The following CNTN2 variants were observed in gnomAD, a reference collection of about 807,000 sequenced individuals.
CNTN2 encodes contactin 2, also known as contactin-2.
In CNTN2, 53 loss-of-function variants were observed where a neutral mutation model predicts 117.5. The ratio of observed to expected loss-of-function variants is 0.45; its 90% confidence interval spans 0.36 to 0.57. The LOEUF (loss-of-function observed/expected upper bound fraction) is 0.57. Among genes scored for constraint, CNTN2 ranks in the 20% least tolerant of loss-of-function variants. The probability of loss-of-function intolerance (pLI) is 0.00; values close to 1 mark genes in which losing one functional copy is unlikely to be tolerated. For synonymous variants in CNTN2, 530 were observed against 561.7 expected, an observed-to-expected ratio of 0.94 and a Z score of 0.80; for missense variants, 1,106 against 1,404.3, an observed-to-expected ratio of 0.79 and a Z score of 3.39.
chr1:205,056,174 T>C (rs558786559), intron 2 of CNTN2, among the ~76,000 whole-genome samples: 163 of 152,240 alleles, frequency 1.1e-3, no homozygotes, highest in African/African-American at 3.8e-3. Context: ...AGTCTGAATG[T>C]ATCAACATGC....
At chr1:205,070,194 T>A (rs944898987) in intron 18 of CNTN2, 133 bp downstream of exon 18, 9 of 868,386 alleles carry the variant, frequency 1.0e-5, no homozygotes, top group African/African-American at 6.7e-5. Context: ...GGGTTCCACA[T>A]CATTGGCCTC....
rs768539409 is a variant in CNTN2 at position 205,058,497 on chromosome 1, G to A, written c.392-71G>A. ...TGCCTTAGTGAACTGCTGCTTCTCC[G>A]TGAAGGATGAGTCGGGGAGGGGCTC... On this transcript the variant is annotated intron_variant, in intron 4 of 22. Transcript: ENST00000331830. This position sits in a 1 kb window ranked among gnomAD's most constrained non-coding sequence, Gnocchi z 4.3. The A allele has an allele frequency of 2.2e-5, 35 of 1,573,808 alleles. No individual in the cohort carries two copies. Among genetic ancestry groups the A allele is most frequent in the South Asian group, 1.2e-4 (11 of 89,554 alleles).
At chr1:205,055,465 C>A (rs1014874248) in intron 2 of CNTN2, among the ~76,000 whole-genome samples, 1 of 152,116 alleles carries the variant, frequency 6.6e-6, no homozygotes, top group Non-Finnish European at 1.5e-5. Flanking sequence ...GGTGGTACTA[C>A]GCTGGGGATA....
rs1654900312 is a variant in CNTN2, at chr1:205,077,105, G to A, written c.*3340G>A. On this transcript the variant is annotated 3_prime_UTR_variant, in exon 23 of 23. Transcript: ENST00000331830. ...ACTGGAGGGGCAGGAGATGGTCCAA[G>A]TGTCCATCCAGAGATGAGACTCTTA... 1 of 152,244 alleles carries A rather than the reference G, an allele frequency of 6.6e-6. No homozygotes were observed. Among genetic ancestry groups the A allele is most frequent in the South Asian group, 2.1e-4 (1 of 4,834 alleles). 9.4% of individuals were successfully genotyped at this position (152,244 alleles called of 1,614,324 possible). A position where few individuals can be genotyped will look rare whatever the true frequency, so the allele number is the denominator to read the frequency against.
chr1:205,058,779 T>C lies in CNTN2; in HGVS notation c.487+116T>C. ...TGGAAATGACCCTTAGAAGCACCCA[T>C]CCCTGGGACCCTAACTTTAAATGAT... On this transcript the variant is annotated intron_variant, in intron 5 of 22. Coordinates refer to ENST00000331830, the MANE Select transcript of CNTN2 (RefSeq NM_005076.5). The surrounding 1 kb of genome is among the most constrained non-coding windows in gnomAD (Gnocchi z 4.3). The C allele has an allele frequency of 1.3e-6, 1 of 760,448 alleles. No homozygotes were observed. The highest frequency in any genetic ancestry group is 1.8e-5 in the South Asian group (1 of 54,600). The allele number at this position is 760,448 out of a possible 1,614,324, so 47.1% of individuals were successfully genotyped here.
chr1:205,064,001 C>T (rs1403088416), intron 10 of CNTN2, among the ~76,000 whole-genome samples: 4 of 151,814 alleles, frequency 2.6e-5, no homozygotes, highest in Non-Finnish European at 4.4e-5. Flanking sequence ...TGTGAAGAGC[C>T]GGGCTTCACT....
rs187078647 is a variant in CNTN2 at position 205,046,121 on chromosome 1, C to T, written c.-87+2727C>T. On this transcript the variant is annotated intron_variant, in intron 1 of 22. Coordinates refer to ENST00000331830, the MANE Select transcript of CNTN2 (RefSeq NM_005076.5). The stretch of plus-strand genomic sequence containing the variant: ...CATTTATGGGAGTTTCTGTGGGCTC[C>T]GTATCCTGACGGTAACCATCCTAGA... Among the ~76,000 whole-genome samples the T allele has an allele frequency of 1.2e-4, 19 of 152,204 alleles. No individual in the cohort carries two copies. In the East Asian group the frequency reaches 1.9e-3, roughly 15 times the overall value.
chr1:205,051,515 C>T (rs903952654), intron 1 of CNTN2, among the ~76,000 whole-genome samples: 3 of 152,076 alleles, frequency 2.0e-5, no homozygotes, highest in Admixed American at 2.0e-4. Flanking sequence ...CAGGGAGGGG[C>T]AGGTATTTTG....
In CNTN2 at chr1:205,058,380, C is replaced by A; in HGVS notation, c.391+24C>A. ...CTGTGAGACCCGCGGGGGACCAAGACACTTTGGGGGAGGGGGAGAGGGGGC... is the reference window on the plus strand; with the variant it reads ...CTGTGAGACCCGCGGGGGACCAAGAAACTTTGGGGGAGGGGGAGAGGGGGC... On this transcript the variant is annotated intron_variant, in intron 4 of 22. Coordinates refer to ENST00000331830, the MANE Select transcript of CNTN2 (RefSeq NM_005076.5). The surrounding 1 kb of genome is among the most constrained non-coding windows in gnomAD (Gnocchi z 4.3). 3 of 1,533,468 alleles carry A rather than the reference C, an allele frequency of 2.0e-6. No homozygotes were observed. Among genetic ancestry groups the A allele is most frequent in the Non-Finnish European group, 2.6e-6 (3 of 1,137,668 alleles). The allele number at this position is 1,533,468 out of a possible 1,614,324, so 95.0% of individuals were successfully genotyped here. A position where few individuals can be genotyped will look rare whatever the true frequency, so the allele number is the denominator to read the frequency against.
rs1172969599 is a variant in CNTN2, at chr1:205,058,161, T to C, written c.216-20T>C. On this transcript the variant is annotated intron_variant, in intron 3 of 22. Transcript: ENST00000331830. This position sits in a 1 kb window ranked among gnomAD's most constrained non-coding sequence, Gnocchi z 4.3. Reference sequence around the variant, plus strand: ...ACCAGGCAGGACTCAGAGGTCCCCTTCCTCTGTCCCCTGCTGCAGGTGGAA... The same window carrying C: ...ACCAGGCAGGACTCAGAGGTCCCCTCCCTCTGTCCCCTGCTGCAGGTGGAA... 1 of 1,589,386 alleles carries C rather than the reference T, an allele frequency of 6.3e-7. No individual in the cohort carries two copies. The highest frequency in any genetic ancestry group is 1.3e-5 in the African/African-American group (1 of 74,120).
chr1:205,053,076 C>T, intron 1 of CNTN2, 24 bp from the exon 2 acceptor site: 1 of 746,828 alleles, frequency 1.3e-6, no homozygotes, highest in Non-Finnish European at 2.1e-6. Flanking sequence ...GGCTCAGAGC[C>T]CTCCTTTCTG....
rs1171339847 is a variant in CNTN2, at chr1:205,059,495, T to G, written c.698-88T>G. 7.5e-7 allele frequency: 1 copy of G among 1,332,052 alleles called. No individual in the cohort carries two copies. The highest frequency in any genetic ancestry group is 1.4e-5 in the African/African-American group (1 of 69,394). 82.5% of individuals were successfully genotyped at this position (1,332,052 alleles called of 1,614,324 possible). On this transcript the variant is annotated intron_variant, in intron 6 of 22. Coordinates refer to ENST00000331830, the MANE Select transcript of CNTN2 (RefSeq NM_005076.5). The surrounding 1 kb of genome is among the most constrained non-coding windows in gnomAD (Gnocchi z 5.6). The stretch of plus-strand genomic sequence containing the variant: ...ATTCCACACAGCTGCCTAGACAGAG[T>G]TGGCTCTGAAAGGTGCTGAGATCCC...
chr1:205,069,283 G>A (rs1177573699), intron 16 of CNTN2: 7 of 558,944 alleles, frequency 1.3e-5, no homozygotes, highest in Non-Finnish European at 6.4e-6. Flanking sequence ...CTTGCCCAGG[G>A]AAGCACAGCT....
At chr1:205,067,313 G>A in intron 16 of CNTN2, 63 bp downstream of exon 16, 1 of 1,549,862 alleles carries the variant, frequency 6.5e-7, no homozygotes, top group Non-Finnish European at 8.7e-7. Context: ...CCACTTATAG[G>A]GAATGCCAAG....
intron 14 of CNTN2, chr1:205,066,235 C>T: frequency 7.9e-6 from 5 of 633,370 alleles, no homozygotes; most frequent in Non-Finnish European, 1.4e-5. Flanking sequence ...GCTCCCCCAG[C>T]CTTGAGACAC....
chr1:205,055,696 G>A (rs2096459845), intron 2 of CNTN2, among the ~76,000 whole-genome samples: 1 of 152,128 alleles, frequency 6.6e-6, no homozygotes, highest in African/African-American at 2.4e-5. Context: ...CTTGTGGTGG[G>A]GTCAGCCTGG....
chr1:205,069,589 T>G (rs1351022559), intron 17 of CNTN2, 28 bp downstream of exon 17: 8 of 1,606,246 alleles, frequency 5.0e-6, no homozygotes, highest in Admixed American at 1.7e-5. Flanking sequence ...GATGTCCTCC[T>G]CCTCCTCCCT....
intron 18 of CNTN2, 69 bp from the exon 19 acceptor site, chr1:205,070,357 G>T: frequency 3.6e-6 from 4 of 1,122,686 alleles, no homozygotes; most frequent in East Asian, 2.5e-5. Flanking sequence ...AGGCAATCCT[G>T]GTTGGGGGCT....
rs1654807287 is a variant in CNTN2, at chr1:205,075,370, C to G, written c.*1605C>G. On this transcript the variant is annotated 3_prime_UTR_variant, in exon 23 of 23. Coordinates refer to ENST00000331830, the MANE Select transcript of CNTN2 (RefSeq NM_005076.5). ...CTCCCTGTCCCCCTCACTCTTGCCCCAAGAAAAGAGGCCAAAGCAAGAGCA... is the reference window on the plus strand; with the variant it reads ...CTCCCTGTCCCCCTCACTCTTGCCCGAAGAAAAGAGGCCAAAGCAAGAGCA... 1 of 153,180 alleles carries G rather than the reference C, an allele frequency of 6.5e-6. No homozygotes were observed. Among genetic ancestry groups the G allele is most frequent in the Non-Finnish European group, 1.5e-5 (1 of 68,576 alleles). 9.5% of individuals were successfully genotyped at this position (153,180 alleles called of 1,614,324 possible). A position where few individuals can be genotyped will look rare whatever the true frequency, so the allele number is the denominator to read the frequency against.
Sources: allele counts gnomAD v4.1 joint callset (sites outside exome capture counted in the v4.1 genomes callset), GRCh38; gene constraint gnomAD v4.1.1; non-coding constraint Gnocchi (gnomAD v3.1); transcripts MANE v1.5; gene names NCBI Gene and HGNC (gene_info 2026-07-23, HGNC 2026-07-21).